Variants in TBL1XR1 observed in about 807,000 individuals in gnomAD.
TBL1XR1 encodes TBL1X/Y related 1.
TBL1XR1 carries 5 observed loss-of-function variants against 66.9 expected under a neutral mutation model. That is an observed-to-expected ratio of 0.07 (90% CI 0.04 to 0.16). The LOEUF (loss-of-function observed/expected upper bound fraction) is 0.16, where lower values mean the gene tolerates loss of function less well. TBL1XR1 is among the 10% of genes least tolerant of loss of function. The pLI is 1.00. For missense variants in TBL1XR1, 238 were observed against 623.2 expected (o/e 0.38, Z 6.58); for synonymous variants, 210 against 206.0 (o/e 1.02, Z -0.17).
At position 177,052,408 on chromosome 3, in the gene TBL1XR1, A is replaced by C. The variant is rs563037407; in HGVS notation, c.205-682T>G. On this transcript the variant is annotated intron_variant, in intron 4 of 15. Transcript: ENST00000457928. Reference sequence around the variant, plus strand: ...TCACTTAAACTGGTAAACATGTACCAGTGACAATCTACAGTGTTATTGCAG... The same window carrying C: ...TCACTTAAACTGGTAAACATGTACCCGTGACAATCTACAGTGTTATTGCAG... Among the ~76,000 whole-genome samples, 7 of 152,364 alleles carry C rather than the reference A, an allele frequency of 4.6e-5. No individual in the cohort carries two copies. In the South Asian group the frequency reaches 1.4e-3, roughly 32 times the overall value.
chr3:177,025,353 T>C lies in TBL1XR1; in HGVS notation c.*145A>G. 1 of 671,458 alleles carries C rather than the reference T, an allele frequency of 1.5e-6. No individual in the cohort carries two copies. 41.6% of individuals were successfully genotyped at this position (671,458 alleles called of 1,614,324 possible). On this transcript the variant is annotated 3_prime_UTR_variant, in exon 16 of 16. Coordinates refer to ENST00000457928, the MANE Select transcript of TBL1XR1 (RefSeq NM_024665.7). ...TCTTCAGGGTGCAATTTTGTTTATA[T>C]ACACTGTATGTATATATTTCTTTTA...
intron 1 of TBL1XR1, among the ~76,000 whole-genome samples, chr3:177,131,743 C>A (rs1239293866): frequency 6.6e-6 from 1 of 151,932 alleles, no homozygotes; most frequent in African/African-American, 2.4e-5. Flanking sequence ...CTCGAGTGAT[C>A]CACTCTCCTT....
Position 177,053,756 on chromosome 3 carries a change from A to G in TBL1XR1, c.204+17T>C. On this transcript the variant is annotated intron_variant, in intron 4 of 15. Transcript: ENST00000457928. ...TTAAGATGAAAAAAATCAGTATTTG[A>G]AATAAGTCTTCCTTACCTCATTAAT... 6.2e-7 allele frequency: 1 copy of G among 1,606,498 alleles called. No homozygotes were observed. The highest frequency in any genetic ancestry group is 8.5e-7 in the Non-Finnish European group (1 of 1,175,870).
At chr3:177,131,432 A>C in intron 1 of TBL1XR1, 1 of 977,766 alleles carries the variant, frequency 1.0e-6, no homozygotes. Flanking sequence ...GGTCTTCCAA[A>C]GATACTTATT....
chr3:177,108,323 T>A (rs1560184021), intron 1 of TBL1XR1, among the ~76,000 whole-genome samples: 2 of 152,120 alleles, frequency 1.3e-5, no homozygotes, highest in Admixed American at 1.3e-4. Flanking sequence ...ATTAAGAAAA[T>A]TATAAGTATT....
At position 177,195,549 on chromosome 3, in the gene TBL1XR1, CCAAA is replaced by C. The variant is rs202011161; in HGVS notation, c.-122+1568_-122+1571del. 8.1e-3 allele frequency: 1,235 copies of C among 151,746 alleles called. 8 individuals are homozygous for C. Among genetic ancestry groups the C allele is most frequent in the South Asian group, 0.012 (56 of 4,802 alleles). 9.4% of individuals were successfully genotyped at this position (151,746 alleles called of 1,614,324 possible). A position where few individuals can be genotyped will look rare whatever the true frequency, so the allele number is the denominator to read the frequency against. The stretch of plus-strand genomic sequence containing the variant: ...ATGAAAATGAATCACACTGGAAAAC[CCAAA>C]CAGTCACTCATTGTATCTTCAACGT... On this transcript the variant is annotated intron_variant, in intron 1 of 15. Coordinates refer to ENST00000457928, the MANE Select transcript of TBL1XR1 (RefSeq NM_024665.7).
At chr3:177,060,248 G>C (rs1416719293) in intron 3 of TBL1XR1, among the ~76,000 whole-genome samples, 1 of 152,058 alleles carries the variant, frequency 6.6e-6, no homozygotes, top group Non-Finnish European at 1.5e-5. Flanking sequence ...CCCTAATACA[G>C]ATTTTATATA....
intron 1 of TBL1XR1, among the ~76,000 whole-genome samples, chr3:177,191,373 T>A (rs1477381140): frequency 6.6e-6 from 1 of 152,192 alleles, no homozygotes; most frequent in East Asian, 1.9e-4. Context: ...ATTCATTCAT[T>A]GAGAAGACAG....
chr3:177,032,706 T>G (rs1411054422), intron 14 of TBL1XR1: 1 of 271,652 alleles, frequency 3.7e-6, no homozygotes, highest in East Asian at 6.3e-5. Context: ...AAATACATCT[T>G]AAACATTCAC....
At chr3:177,198,742 G>T (rs1023889514), upstream of TBL1XR1, among the ~76,000 whole-genome samples, 2 of 152,110 alleles carry the variant, frequency 1.3e-5, no homozygotes, top group African/African-American at 4.8e-5. Context: ...AATAATGTTT[G>T]CAGCTTTCTT....
chr3:177,133,550 C>T (rs1728554191), intron 1 of TBL1XR1, among the ~76,000 whole-genome samples: 1 of 152,150 alleles, frequency 6.6e-6, no homozygotes, highest in African/African-American at 2.4e-5. Context: ...TATGCAGACA[C>T]ACAGAAGTAA....
At chr3:177,125,567 T>C (rs2141600) in intron 1 of TBL1XR1, among the ~76,000 whole-genome samples, 59,748 of 152,038 alleles carry the variant, frequency 0.39, 11,925 homozygotes, top group Middle Eastern at 0.47. Context: ...CTGACAAGTG[T>C]CTTTTTTATT....
chr3:177,167,672 T>C (rs1363333867), intron 1 of TBL1XR1, among the ~76,000 whole-genome samples: 22 of 152,250 alleles, frequency 1.4e-4, no homozygotes, highest in Admixed American at 1.4e-3. Context: ...GGTTCATGCC[T>C]GTAATCCCAG....
intron 3 of TBL1XR1, among the ~76,000 whole-genome samples, chr3:177,061,702 C>G (rs777774383): frequency 1.4e-4 from 22 of 152,172 alleles, no homozygotes; most frequent in Admixed American, 8.5e-4. Context: ...TACTTTAGAT[C>G]TTTCAAGAAA....
chr3:177,082,150 G>C (rs1199496986), intron 2 of TBL1XR1, among the ~76,000 whole-genome samples: 1 of 152,082 alleles, frequency 6.6e-6, no homozygotes, highest in Non-Finnish European at 1.5e-5. Flanking sequence ...AAAATGGCTA[G>C]AGCTACGCAC....
intron 1 of TBL1XR1, among the ~76,000 whole-genome samples, chr3:177,143,167 TAATC>T (rs1466207084): frequency 6.6e-6 from 1 of 151,962 alleles, no homozygotes; most frequent in Non-Finnish European, 1.5e-5. Context: ...AATGCAATAT[TAATC>T]AATCAACAAT....
At chr3:177,097,291 T>C (rs970702333) in intron 2 of TBL1XR1, among the ~76,000 whole-genome samples, 1 of 152,230 alleles carries the variant, frequency 6.6e-6, no homozygotes, top group Admixed American at 6.5e-5. Context: ...GATGTTATTA[T>C]TTGATTCTTT....
intron 1 of TBL1XR1, among the ~76,000 whole-genome samples, chr3:177,179,517 A>T (rs1287355119): frequency 6.6e-6 from 1 of 152,206 alleles, no homozygotes. Flanking sequence ...GGCATTTTGC[A>T]AATATGGGAA....
chr3:177,083,765 G>T (rs754700027), intron 2 of TBL1XR1, among the ~76,000 whole-genome samples: 16 of 150,186 alleles, frequency 1.1e-4, no homozygotes, highest in Non-Finnish European at 1.9e-4. Context: ...TCAAGTAATG[G>T]TTTTTTTTTG....
Sources: gnomAD v4.1 joint callset for allele counts (sites outside exome capture counted in the v4.1 genomes callset) on GRCh38, gnomAD v4.1.1 for gene constraint, MANE v1.5 for transcripts, NCBI Gene and HGNC (gene_info 2026-07-23, HGNC 2026-07-21) for gene names.